Variants in DPP6 observed in about 807,000 individuals in gnomAD.
The protein encoded by DPP6 is dipeptidyl peptidase like 6.
Under a neutral mutation model 122.6 loss-of-function variants are expected in DPP6, and 69 were observed. The ratio of observed to expected loss-of-function variants is 0.56; its 90% CI spans 0.46 to 0.69. The LOEUF (loss-of-function observed/expected upper bound fraction) is 0.69. Ranked by LOEUF, DPP6 falls within the 30% of genes least tolerant of loss-of-function variation. The pLI, the probability that DPP6 is intolerant of heterozygous loss-of-function variation, is 0.00. For missense variants in DPP6, 928 were observed against 1,116.9 expected, an observed-to-expected ratio of 0.83 and a Z score of 2.41; for synonymous variants, 418 against 433.1, an observed-to-expected ratio of 0.97 and a Z score of 0.43.
At chr7:153,807,523 AAAAT>A in the DPP6 span, among the ~76,000 whole-genome samples, 4 of 152,040 alleles carry the variant, frequency 2.6e-5, no homozygotes, top group African/African-American at 9.7e-5. Flanking sequence ...GCATCGTAGA[AAAAT>A]AAAGTGTCCA....
chr7:154,513,504 C>G (rs909949782), intron 3 of DPP6, among the ~76,000 whole-genome samples: 2 of 152,136 alleles, frequency 1.3e-5, no homozygotes, highest in Non-Finnish European at 2.9e-5. Flanking sequence ...ATAACAATCT[C>G]GCACCCTACA....
chr7:154,747,584 CACTT>C (rs1335350665), intron 8 of DPP6, among the ~76,000 whole-genome samples: 6 of 152,188 alleles, frequency 3.9e-5, no homozygotes, highest in African/African-American at 1.4e-4. Context: ...CATTGCTAGT[CACTT>C]ACTAGGCACT....
chr7:154,842,881 C>T (rs1291810820), intron 16 of DPP6, among the ~76,000 whole-genome samples: 1 of 152,210 alleles, frequency 6.6e-6, no homozygotes, highest in East Asian at 1.9e-4. Flanking sequence ...AACATCAGGG[C>T]TGTTGTTGCA....
intron 1 of DPP6, among the ~76,000 whole-genome samples, chr7:154,216,966 A>G (rs1343716927): frequency 6.6e-6 from 1 of 151,754 alleles, no homozygotes; most frequent in Non-Finnish European, 1.5e-5. Context: ...AACTAGAAAT[A>G]TGAGATTTAT....
At chr7:154,826,508 A>G (rs529214547) in intron 16 of DPP6, among the ~76,000 whole-genome samples, 5 of 152,268 alleles carry the variant, frequency 3.3e-5, no homozygotes, top group African/African-American at 1.2e-4. Context: ...GAAGATGTCC[A>G]TTTCTCCACC....
At chr7:154,559,347 GAA>G (rs372642507) in intron 4 of DPP6, among the ~76,000 whole-genome samples, 1 of 114,958 alleles carries the variant, frequency 8.7e-6, no homozygotes, top group Non-Finnish European at 1.8e-5. Context: ...AGAGAAACTT[GAA>G]AAAAAAAAAA....
At chr7:154,305,863 G>A (rs1806295730) in intron 1 of DPP6, among the ~76,000 whole-genome samples, 1 of 152,008 alleles carries the variant, frequency 6.6e-6, no homozygotes, top group Non-Finnish European at 1.5e-5. Flanking sequence ...AACACCTCTG[G>A]ACAAAGGCCT....
At chr7:154,055,105 T>TTC (rs879421157) in intron 1 of DPP6, among the ~76,000 whole-genome samples, 5 of 149,526 alleles carry the variant, frequency 3.3e-5, no homozygotes, top group Non-Finnish European at 5.9e-5. Context: ...TTTTTTTTTT[T>TTC]CTGGAAAATA....
At chr7:154,851,871 G>A (rs866553434) in intron 16 of DPP6, among the ~76,000 whole-genome samples, 1 of 152,148 alleles carries the variant, frequency 6.6e-6, no homozygotes, top group African/African-American at 2.4e-5. Context: ...CCACGTTGGG[G>A]AAAAGGGCCC....
intron 1 of DPP6, among the ~76,000 whole-genome samples, chr7:153,965,660 C>T (rs1467495196): frequency 1.3e-5 from 2 of 151,980 alleles, no homozygotes; most frequent in Admixed American, 6.6e-5. Context: ...CTACAGGCGC[C>T]CACCACCACG....
At chr7:154,799,264 CG>C (rs1301043183) in intron 12 of DPP6, among the ~76,000 whole-genome samples, 1 of 152,168 alleles carries the variant, frequency 6.6e-6, no homozygotes, top group Non-Finnish European at 1.5e-5. Flanking sequence ...ATCCTCAGTA[CG>C]GTCACCCGCA....
chr7:154,499,051 C>G (rs943708427), intron 3 of DPP6, among the ~76,000 whole-genome samples: 1 of 152,150 alleles, frequency 6.6e-6, no homozygotes, highest in African/African-American at 2.4e-5. Flanking sequence ...TGTCTCGTGG[C>G]CCTGAGCTTG....
intron 5 of DPP6, among the ~76,000 whole-genome samples, chr7:154,635,972 C>G (rs1468070439): frequency 6.6e-6 from 1 of 152,160 alleles, no homozygotes; most frequent in Non-Finnish European, 1.5e-5. Context: ...ATGAGGGTCA[C>G]TAAGTCAGCC....
chr7:153,877,624 G>C, the DPP6 span, among the ~76,000 whole-genome samples: 4 of 152,140 alleles, frequency 2.6e-5, no homozygotes, highest in Non-Finnish European at 5.9e-5. Flanking sequence ...GTTATGTCAT[G>C]CATGATTGCA....
intron 1 of DPP6, among the ~76,000 whole-genome samples, chr7:154,216,990 G>C (rs1369717336): frequency 6.6e-6 from 1 of 151,604 alleles, no homozygotes; most frequent in Non-Finnish European, 1.5e-5. Flanking sequence ...AATCCTAATT[G>C]CATGTTCCAT....
chr7:153,957,698 C>T lies in DPP6; in HGVS notation c.51+69964C>T, dbSNP rs1338445941. Among the ~76,000 whole-genome samples, 7 of 152,354 alleles carry T rather than the reference C, an allele frequency of 4.6e-5. No individual in the cohort carries two copies. In the East Asian group the frequency reaches 7.7e-4, roughly 17 times the overall value. Reference sequence around the variant, plus strand: ...TTATTCATCCTACTCTCCACTCTCTCTGTTTTCTGATGTTTGGAAATAAAA... The same window carrying T: ...TTATTCATCCTACTCTCCACTCTCTTTGTTTTCTGATGTTTGGAAATAAAA... On this transcript the variant is annotated intron_variant, in intron 1 of 25. Coordinates refer to the DPP6 transcript ENST00000404039.
intron 1 of DPP6, among the ~76,000 whole-genome samples, chr7:154,084,989 C>CA (rs370222780): frequency 0.22 from 17,444 of 78,242 alleles, 2,830 homozygotes; most frequent in African/African-American, 0.39. Context: ...GACTCCGTCT[C>CA]AAAAAAAAAA....
At chr7:154,838,357 C>T (rs1335943346) in intron 16 of DPP6, 2 of 152,180 alleles carry the variant, frequency 1.3e-5, no homozygotes, top group African/African-American at 2.4e-5. Context: ...ATGGAAATAG[C>T]GGCTTCTCAA....
chr7:154,080,513 T>C (rs376526930), intron 1 of DPP6, among the ~76,000 whole-genome samples: 23 of 152,302 alleles, frequency 1.5e-4, no homozygotes, highest in Admixed American at 1.0e-3. Context: ...ATGACACATA[T>C]ACCATTCCTG....
Sources: allele counts gnomAD v4.1 joint callset (sites outside exome capture counted in the v4.1 genomes callset), GRCh38; gene constraint gnomAD v4.1.1; transcripts MANE v1.5; gene names NCBI Gene and HGNC (gene_info 2026-07-23, HGNC 2026-07-21).